The following SCAPER variants were observed in gnomAD, a reference collection of about 807,000 sequenced individuals.
SCAPER encodes S phase cyclin A-associated protein in the endoplasmic reticulum.
A neutral mutation model predicts 182.2 loss-of-function variants in SCAPER; 98 were observed. The observed-to-expected ratio is 0.54, with a 90% CI of 0.46 to 0.64. The LOEUF is 0.64. Ranked by LOEUF, SCAPER falls within the 30% of genes least tolerant of loss-of-function variation. The probability of loss-of-function intolerance (pLI) is 0.00; values close to 1 mark genes in which losing one functional copy is unlikely to be tolerated. For missense variants in SCAPER, 1,432 were observed against 1,690.0 expected (o/e 0.85, Z 2.68); for synonymous variants, 605 against 564.6 (o/e 1.07, Z -1.01).
chr15:76,647,230 T>C (rs187217047), intron 21 of SCAPER, among the ~76,000 whole-genome samples: 450 of 152,276 alleles, frequency 3.0e-3, no homozygotes, highest in African/African-American at 0.01. Context: ...GTTAAGTGCA[T>C]TGGTAAAAAA....
chr15:76,370,281 T>C (rs1394521880), intron 29 of SCAPER, among the ~76,000 whole-genome samples: 1 of 137,290 alleles, frequency 7.3e-6, no homozygotes, highest in African/African-American at 2.6e-5. Context: ...ACATATAATT[T>C]ACCATTTCAA....
At chr15:76,719,158 A>G (rs1046382083) in intron 17 of SCAPER, among the ~76,000 whole-genome samples, 2 of 152,224 alleles carry the variant, frequency 1.3e-5, no homozygotes, top group Non-Finnish European at 2.9e-5. Context: ...CTAAGTGTCC[A>G]TCAAAGAAAC....
intron 26 of SCAPER, among the ~76,000 whole-genome samples, chr15:76,418,649 T>C (rs770961403): frequency 8.5e-5 from 13 of 152,258 alleles, no homozygotes; most frequent in Non-Finnish European, 1.5e-4. Flanking sequence ...TGCATCACTA[T>C]AACTGTAGCT....
At chr15:76,724,426 G>T (rs1287234433) in intron 17 of SCAPER, among the ~76,000 whole-genome samples, 4 of 152,198 alleles carry the variant, frequency 2.6e-5, no homozygotes, top group African/African-American at 9.6e-5. Flanking sequence ...TTCTCAAGGA[G>T]TATCTTTGTG....
chr15:76,723,568 G>A (rs1354199336), intron 17 of SCAPER, among the ~76,000 whole-genome samples: 1 of 152,178 alleles, frequency 6.6e-6, no homozygotes, highest in Admixed American at 6.5e-5. Flanking sequence ...GGAAGTCTAA[G>A]TCTCTTTGTA....
At chr15:76,879,661 T>G (rs1290940413) in intron 2 of SCAPER, among the ~76,000 whole-genome samples, 1 of 152,148 alleles carries the variant, frequency 6.6e-6, no homozygotes, top group Non-Finnish European at 1.5e-5. Context: ...TCAATTCTTA[T>G]CTGAAGCCAA....
Position 76,864,240 on chromosome 15 carries a change from T to A in SCAPER, c.7-1707A>T, listed in dbSNP as rs192625113. ...CGGGGCTCATTTTAGCCTTTCGCTT[T>A]GCTTGTCTGAAACTTCTTTCTCCAA... On this transcript the variant is annotated intron_variant, in intron 2 of 31. Transcript: ENST00000563290. Among the ~76,000 whole-genome samples the A allele has an allele frequency of 3.9e-5, 6 of 152,362 alleles. No individual in the cohort carries two copies. In the East Asian group the frequency reaches 1.2e-3, roughly 29 times the overall value.
At position 76,841,864 on chromosome 15, in the gene SCAPER, G is replaced by C. The variant is rs1244065540; in HGVS notation, c.263C>G (p.Thr88Ser). ...TGDKHFDKSP[T>S]KTRHPRKIDL... is the part of the protein sequence containing the mutation. ...AATTTTCCGAGGGTGCCTTGTTTTA[G>C]TGGGACTTTTATCAAAGTGTTTATC... Residue 88 changes from threonine (T) to serine (S), a missense_variant, in exon 5 of 32, where the codon ACT becomes AGT. By Grantham distance (58) the Thr-to-Ser change is moderately conservative (BLOSUM62 1). Around this residue, in one of 5 missense-constraint regions of SCAPER, gnomAD observed 480 missense variants for 510.2 expected, o/e 0.94. Transcript: ENST00000563290. 6.2e-7 allele frequency: 1 copy of C among 1,613,914 alleles called. No individual in the cohort carries two copies. Among genetic ancestry groups the C allele is most frequent in the Non-Finnish European group, 8.5e-7 (1 of 1,179,844 alleles).
At chr15:76,832,004 T>C (rs970454634) in intron 5 of SCAPER, among the ~76,000 whole-genome samples, 4 of 151,956 alleles carry the variant, frequency 2.6e-5, no homozygotes, top group African/African-American at 9.7e-5. Flanking sequence ...AACAGCAACT[T>C]CAAAAATTAA....
At chr15:76,674,592 G>GT (rs1369973876) in intron 20 of SCAPER, among the ~76,000 whole-genome samples, 1 of 151,882 alleles carries the variant, frequency 6.6e-6, no homozygotes, top group Non-Finnish European at 1.5e-5. Flanking sequence ...AAAAGAGCCT[G>GT]TAACAACAGC....
At chr15:76,585,926 T>G (rs1353075357) in intron 22 of SCAPER, among the ~76,000 whole-genome samples, 1 of 152,192 alleles carries the variant, frequency 6.6e-6, no homozygotes, top group African/African-American at 2.4e-5. Flanking sequence ...CAGAAAGTTT[T>G]ATTTGGATTC....
intron 5 of SCAPER, among the ~76,000 whole-genome samples, chr15:76,806,251 G>T (rs994492569): frequency 6.6e-6 from 1 of 152,148 alleles, no homozygotes; most frequent in Admixed American, 6.5e-5. Context: ...TTCATTTGTT[G>T]CACACAGATA....
intron 23 of SCAPER, among the ~76,000 whole-genome samples, chr15:76,550,440 C>CGGTGTTT (rs1172941658): frequency 6.6e-6 from 1 of 152,110 alleles, no homozygotes; most frequent in Non-Finnish European, 1.5e-5. Flanking sequence ...TGAGAACATG[C>CGGTGTTT]GGTGTTTGGT....
intron 5 of SCAPER, among the ~76,000 whole-genome samples, chr15:76,808,574 C>T (rs947981607): frequency 1.6e-4 from 25 of 152,124 alleles, no homozygotes; most frequent in African/African-American, 4.8e-4. Flanking sequence ...CACAAACTCC[C>T]GACTCCCAAT....
intron 5 of SCAPER, among the ~76,000 whole-genome samples, chr15:76,837,434 C>T (rs2069056332): frequency 6.6e-6 from 1 of 152,162 alleles, no homozygotes; most frequent in African/African-American, 2.4e-5. Context: ...ACATGTCCTT[C>T]TTCCATGTGG....
intron 1 of SCAPER, among the ~76,000 whole-genome samples, chr15:76,894,287 A>C (rs1302353018): frequency 1.3e-5 from 2 of 152,002 alleles, no homozygotes; most frequent in East Asian, 3.9e-4. Flanking sequence ...TCAGCCTCAC[A>C]TGATGTGAAC....
intron 20 of SCAPER, among the ~76,000 whole-genome samples, chr15:76,666,598 A>T (rs2056591372): frequency 6.6e-6 from 1 of 152,220 alleles, no homozygotes; most frequent in Admixed American, 6.5e-5. Context: ...CTTTAAATTT[A>T]TGAAATTACA....
intron 20 of SCAPER, among the ~76,000 whole-genome samples, chr15:76,681,760 C>T (rs1344041454): frequency 1.3e-5 from 2 of 152,174 alleles, no homozygotes; most frequent in African/African-American, 2.4e-5. Context: ...CTACCACAGA[C>T]ACTTATGCTA....
chr15:76,425,145 GA>G (rs2046333442), intron 26 of SCAPER, among the ~76,000 whole-genome samples: 1 of 152,128 alleles, frequency 6.6e-6, no homozygotes, highest in South Asian at 2.1e-4. Context: ...TGTATTTCTT[GA>G]ATTTGAATGT....
Sources: allele counts gnomAD v4.1 joint callset (sites outside exome capture counted in the v4.1 genomes callset), GRCh38; gene constraint gnomAD v4.1.1; regional missense constraint gnomAD v4.1.1; transcripts MANE v1.5; gene names NCBI Gene and HGNC (gene_info 2026-07-23, HGNC 2026-07-21).